TMEFF2: variants seen among roughly 807,000 people sequenced by gnomAD.
TMEFF2 encodes the protein tomoregulin-2.
A neutral mutation model predicts 53.8 loss-of-function variants in TMEFF2; 28 were observed. That is an observed-to-expected ratio of 0.52 (90% confidence interval 0.39 to 0.71). TMEFF2 has a LOEUF of 0.71. Ranked by LOEUF, TMEFF2 falls within the 30% of genes least tolerant of loss-of-function variation. TMEFF2 has a pLI of 0.00. For synonymous variants in TMEFF2, 162 were observed against 166.3 expected (o/e 0.97, Z 0.20); for missense variants, 353 against 455.2 (o/e 0.78, Z 2.04).
rs184653614 is a variant in TMEFF2, at chr2:192,069,548, T to A, written c.440-11773A>T. Among the ~76,000 whole-genome samples the A allele has an allele frequency of 2.6e-4, 39 of 151,542 alleles. No individual in the cohort carries two copies. The East Asian group carries it at 7.4e-3, about 29-fold the overall frequency. ...ACAAACCAAAAAAAACCCCACAAAA[T>A]GGTCTAAGAAAGCTGAAGAGCTGGA... On this transcript the variant is annotated intron_variant, in intron 4 of 9. Coordinates refer to ENST00000272771, the MANE Select transcript of TMEFF2 (RefSeq NM_016192.4).
intron 4 of TMEFF2, among the ~76,000 whole-genome samples, chr2:192,097,388 T>TCC (rs1473389170): frequency 6.6e-6 from 1 of 152,244 alleles, no homozygotes; most frequent in Non-Finnish European, 1.5e-5. Context: ...GAGCATATAT[T>TCC]CCTTAACATA....
chr2:192,119,735 A>C, intron 4 of TMEFF2, among the ~76,000 whole-genome samples: 1 of 152,218 alleles, frequency 6.6e-6, no homozygotes, highest in East Asian at 1.9e-4. Flanking sequence ...GTTTGTTTCT[A>C]ATGCAGCTTG....
intron 4 of TMEFF2, among the ~76,000 whole-genome samples, chr2:192,092,918 T>G (rs368255449): frequency 7.9e-5 from 12 of 152,114 alleles, no homozygotes; most frequent in African/African-American, 2.9e-4. Context: ...CCCTGTAAGA[T>G]TCATTTTGGA....
At chr2:192,036,967 G>A (rs975149867) in intron 5 of TMEFF2, 3 of 152,030 alleles carry the variant, frequency 2.0e-5, no homozygotes, top group Non-Finnish European at 4.4e-5. Flanking sequence ...TTGCTTGTTT[G>A]TTCATTTCTT....
chr2:192,147,279 C>T (rs191011206), intron 4 of TMEFF2, among the ~76,000 whole-genome samples: 114 of 152,040 alleles, frequency 7.5e-4, no homozygotes, highest in African/African-American at 2.7e-3. Context: ...AGACAGTAGT[C>T]CACTTATAAT....
chr2:192,032,427 C>T (rs575850611), intron 5 of TMEFF2: 1 of 152,166 alleles, frequency 6.6e-6, no homozygotes, highest in Non-Finnish European at 1.5e-5. Context: ...TTTTATTGGG[C>T]ATTCAATTAA....
At chr2:192,149,746 G>C (rs1421701779) in intron 4 of TMEFF2, among the ~76,000 whole-genome samples, 1 of 151,838 alleles carries the variant, frequency 6.6e-6, no homozygotes, top group African/African-American at 2.4e-5. Flanking sequence ...AAATATGTTG[G>C]AGTCACACAT....
intron 7 of TMEFF2, among the ~76,000 whole-genome samples, chr2:191,986,397 C>T (rs777457836): frequency 2.6e-5 from 4 of 152,086 alleles, no homozygotes; most frequent in Non-Finnish European, 5.9e-5. Flanking sequence ...ATAAGATAAG[C>T]GATCCAATTA....
chr2:191,977,496 G>A (rs7585690), intron 7 of TMEFF2, among the ~76,000 whole-genome samples: 30,351 of 152,104 alleles, frequency 0.2, 3,121 homozygotes, highest in Middle Eastern at 0.24. Context: ...CTAGACAGAA[G>A]CCAGGGAGAA....
At chr2:192,001,796 G>A (rs146321574) in intron 5 of TMEFF2, among the ~76,000 whole-genome samples, 4 of 152,052 alleles carry the variant, frequency 2.6e-5, no homozygotes, top group East Asian at 3.9e-4. Context: ...CCCTACCCAC[G>A]TGGAACTGTG....
intron 4 of TMEFF2, among the ~76,000 whole-genome samples, chr2:192,100,038 A>G (rs1185888726): frequency 6.6e-6 from 1 of 152,194 alleles, no homozygotes; most frequent in Non-Finnish European, 1.5e-5. Flanking sequence ...TTATTATCAA[A>G]GTTAGTAATT....
chr2:192,122,723 G>T (rs1452369846), intron 4 of TMEFF2, among the ~76,000 whole-genome samples: 1 of 151,828 alleles, frequency 6.6e-6, no homozygotes, highest in African/African-American at 2.4e-5. Flanking sequence ...TAAATATGCA[G>T]GATAACACTA....
At chr2:191,984,127 T>TCTTTTTAAAGTAATAA (rs1312249122) in intron 7 of TMEFF2, among the ~76,000 whole-genome samples, 2 of 152,162 alleles carry the variant, frequency 1.3e-5, no homozygotes, top group East Asian at 3.9e-4. Context: ...CTTTTATTTT[T>TCTTTTTAAAGTAATAA]CTTTTTAAAG....
At chr2:191,988,800 T>TTG (rs1553510543) in intron 7 of TMEFF2, among the ~76,000 whole-genome samples, 4 of 151,994 alleles carry the variant, frequency 2.6e-5, no homozygotes, top group Admixed American at 6.6e-5. Flanking sequence ...AGAGGTTTTT[T>TTG]TTTTTTGTTT....
At chr2:192,066,456 A>G (rs11893968) in intron 4 of TMEFF2, among the ~76,000 whole-genome samples, 1,923 of 152,028 alleles carry the variant, frequency 0.013, 46 homozygotes, top group African/African-American at 0.044. Context: ...AACCAAGCTT[A>G]TGATTAAACA....
At chr2:192,034,174 CAA>C (rs5837274) in intron 5 of TMEFF2, among the ~76,000 whole-genome samples, 14 of 105,334 alleles carry the variant, frequency 1.3e-4, no homozygotes, top group Admixed American at 3.2e-4. Flanking sequence ...GACTCCATTT[CAA>C]AAAAAAAAAA....
chr2:192,179,435 A>G (rs561884483), intron 4 of TMEFF2: 1 of 404,802 alleles, frequency 2.5e-6, no homozygotes, highest in Non-Finnish European at 4.5e-6. Flanking sequence ...CAAACAAACA[A>G]ACAAATGAAC....
intron 4 of TMEFF2, among the ~76,000 whole-genome samples, chr2:192,067,529 CCTAAGTCTTT>C (rs947499474): frequency 6.6e-6 from 1 of 151,756 alleles, no homozygotes; most frequent in African/African-American, 2.4e-5. Flanking sequence ...TAAAGGAAGA[CCTAAGTCTTT>C]CTAAGTCTTC....
intron 7 of TMEFF2, among the ~76,000 whole-genome samples, chr2:191,987,489 C>T (rs1220670420): frequency 6.6e-6 from 1 of 151,896 alleles, no homozygotes; most frequent in African/African-American, 2.4e-5. Flanking sequence ...TCACTGCAAC[C>T]TTGGACTCTG....
Sources: gnomAD v4.1 joint callset for allele counts (sites outside exome capture counted in the v4.1 genomes callset) on GRCh38, gnomAD v4.1.1 for gene constraint, MANE v1.5 for transcripts, NCBI Gene and HGNC (gene_info 2026-07-23, HGNC 2026-07-21) for gene names.